Variants in NXPH1 observed in about 807,000 individuals in gnomAD.
NXPH1 encodes neurexophilin 1.
NXPH1 carries 5 observed loss-of-function variants against 23.7 expected under a neutral mutation model. That is an observed-to-expected ratio of 0.21 (90% CI 0.11 to 0.44). The LOEUF is 0.44. Ranked by LOEUF, NXPH1 falls within the 20% of genes least tolerant of loss-of-function variation. The probability of loss-of-function intolerance (pLI) is 0.99; values close to 1 mark genes in which losing one functional copy is unlikely to be tolerated. For missense variants in NXPH1, 324 were observed against 321.6 expected, an observed-to-expected ratio of 1.01 and a Z score of -0.06; for synonymous variants, 144 against 122.2, an observed-to-expected ratio of 1.18 and a Z score of -1.18.
chr7:8,691,233 C>T (rs769153716), intron 2 of NXPH1, among the ~76,000 whole-genome samples: 10 of 152,110 alleles, frequency 6.6e-5, no homozygotes, highest in East Asian at 1.9e-4. Flanking sequence ...TGACCTCCAT[C>T]CACCTCCTGG....
chr7:8,508,652 T>TA (rs2128613623), intron 2 of NXPH1, among the ~76,000 whole-genome samples: 1 of 152,170 alleles, frequency 6.6e-6, no homozygotes, highest in South Asian at 2.1e-4. Context: ...TCTTTTTTTT[T>TA]ATGTCTTGAA....
At chr7:8,706,760 A>T (rs2115193279) in intron 2 of NXPH1, among the ~76,000 whole-genome samples, 1 of 152,282 alleles carries the variant, frequency 6.6e-6, no homozygotes, top group East Asian at 1.9e-4. Context: ...TGAGTGACTA[A>T]TCTGACAGTT....
chr7:8,626,863 C>T lies in NXPH1; in HGVS notation c.55-124145C>T, dbSNP rs140545968. On this transcript the variant is annotated intron_variant, in intron 2 of 2. Coordinates refer to ENST00000405863, the MANE Select transcript of NXPH1 (RefSeq NM_152745.3). The stretch of plus-strand genomic sequence containing the variant: ...TGGGACACTTTTTCTGGGCACTCTG[C>T]CTACTTACCTTCTATTCTTCCTATA... 5.8e-4 allele frequency among the ~76,000 whole-genome samples: 88 copies of T among 152,162 alleles called. 3 individuals carry two copies. The East Asian group carries it at 0.016, about 28-fold the overall frequency.
At chr7:8,556,942 A>C (rs116819075) in intron 2 of NXPH1, among the ~76,000 whole-genome samples, 54 of 151,858 alleles carry the variant, frequency 3.6e-4, no homozygotes, top group African/African-American at 8.9e-4. Context: ...ATGAAGAAAC[A>C]GATACGATGA....
intron 2 of NXPH1, among the ~76,000 whole-genome samples, chr7:8,749,240 G>A (rs1780523601): frequency 6.6e-6 from 1 of 152,106 alleles, no homozygotes; most frequent in African/African-American, 2.4e-5. Flanking sequence ...TACCTGTTTA[G>A]CTCACTCAAT....
At chr7:8,662,520 A>T (rs1283703906) in intron 2 of NXPH1, among the ~76,000 whole-genome samples, 1 of 152,124 alleles carries the variant, frequency 6.6e-6, no homozygotes, top group Non-Finnish European at 1.5e-5. Flanking sequence ...TCCTAAATAA[A>T]AATTGTACAA....
chr7:8,597,714 C>CA (rs143024898), intron 2 of NXPH1, among the ~76,000 whole-genome samples: 4 of 92,924 alleles, frequency 4.3e-5, no homozygotes, highest in Admixed American at 1.4e-4. Context: ...GGGTGGGGGG[C>CA]GGGGGGGCAG....
At chr7:8,521,545 G>A (rs542316556) in intron 2 of NXPH1, among the ~76,000 whole-genome samples, 16 of 152,276 alleles carry the variant, frequency 1.1e-4, no homozygotes, top group Non-Finnish European at 2.2e-4. Context: ...TGTTGAGATG[G>A]CAGCATTGCC....
At chr7:8,449,193 A>T (rs981739464) in intron 2 of NXPH1, among the ~76,000 whole-genome samples, 1 of 152,222 alleles carries the variant, frequency 6.6e-6, no homozygotes, top group Non-Finnish European at 1.5e-5. Flanking sequence ...ACTCCCTGGA[A>T]GGACTTGTCG....
At chr7:8,495,726 T>G (rs541239757) in intron 2 of NXPH1, among the ~76,000 whole-genome samples, 14 of 152,056 alleles carry the variant, frequency 9.2e-5, no homozygotes, top group African/African-American at 2.9e-4. Flanking sequence ...GTGAATGAGA[T>G]TTCTATAGGA....
At chr7:8,466,970 G>T in intron 2 of NXPH1, among the ~76,000 whole-genome samples, 1 of 152,088 alleles carries the variant, frequency 6.6e-6, no homozygotes, top group East Asian at 1.9e-4. Flanking sequence ...AACCATAGTA[G>T]TTTCTGCATC....
intron 2 of NXPH1, among the ~76,000 whole-genome samples, chr7:8,655,471 C>CACACACACAT (rs1820563921): frequency 7.4e-6 from 1 of 134,864 alleles, no homozygotes; most frequent in Non-Finnish European, 1.6e-5. Context: ...CACACACACA[C>CACACACACAT]ACACACACAC....
At chr7:8,458,972 T>C (rs529404736) in intron 2 of NXPH1, among the ~76,000 whole-genome samples, 7 of 152,260 alleles carry the variant, frequency 4.6e-5, no homozygotes, top group African/African-American at 1.4e-4. Context: ...TTAAACTAAA[T>C]TTATAAATTG....
chr7:8,466,869 G>A (rs192566433), intron 2 of NXPH1, among the ~76,000 whole-genome samples: 71 of 151,978 alleles, frequency 4.7e-4, no homozygotes, highest in African/African-American at 1.6e-3. Context: ...GTGGTAATGA[G>A]CACAGGGTCT....
intron 2 of NXPH1, among the ~76,000 whole-genome samples, chr7:8,553,148 G>C (rs1432606606): frequency 3.3e-5 from 5 of 151,362 alleles, no homozygotes; most frequent in Admixed American, 6.6e-5. Context: ...ATTCTCTTTG[G>C]CTGAAAAAGA....
At chr7:8,597,802 T>A (rs1464018192) in intron 2 of NXPH1, among the ~76,000 whole-genome samples, 1 of 152,082 alleles carries the variant, frequency 6.6e-6, no homozygotes, top group Non-Finnish European at 1.5e-5. Flanking sequence ...CTTTAGCTAC[T>A]GTTAATGCTG....
intron 2 of NXPH1, among the ~76,000 whole-genome samples, chr7:8,732,208 G>C (rs1197900904): frequency 8.5e-5 from 13 of 152,198 alleles, no homozygotes; most frequent in African/African-American, 2.9e-4. Flanking sequence ...GCTCGTGCAT[G>C]GTGCGCGCAC....
chr7:8,707,105 A>G (rs1359495906), intron 2 of NXPH1, among the ~76,000 whole-genome samples: 2 of 152,190 alleles, frequency 1.3e-5, no homozygotes, highest in South Asian at 2.1e-4. Flanking sequence ...TATTAGTTTG[A>G]CTTTTACTAT....
At chr7:8,662,727 T>A (rs1044583661) in intron 2 of NXPH1, among the ~76,000 whole-genome samples, 2 of 152,068 alleles carry the variant, frequency 1.3e-5, no homozygotes, top group Non-Finnish European at 2.9e-5. Context: ...TCAGGTTCAA[T>A]ATTCTGTTCA....
Sources: allele counts gnomAD v4.1 joint callset (sites outside exome capture counted in the v4.1 genomes callset), GRCh38; gene constraint gnomAD v4.1.1; transcripts MANE v1.5; gene names NCBI Gene and HGNC (gene_info 2026-07-23, HGNC 2026-07-21).